UBXN2B: variants seen among roughly 807,000 people sequenced by gnomAD.
UBXN2B encodes UBX domain-containing protein 2B.
UBXN2B carries 19 observed loss-of-function variants against 37.5 expected under a neutral mutation model. The ratio of observed to expected loss-of-function variants is 0.51; its 90% CI spans 0.35 to 0.74. UBXN2B has a LOEUF of 0.74. UBXN2B is among the 30% of genes least tolerant of loss of function. The pLI is 0.01. For missense variants in UBXN2B, 370 were observed against 393.2 expected (o/e 0.94, Z 0.50); for synonymous variants, 145 against 143.8 (o/e 1.01, Z -0.06).
intron 3 of UBXN2B, among the ~76,000 whole-genome samples, chr8:58,432,498 T>C (rs886827857): frequency 3.4e-5 from 5 of 145,134 alleles, no homozygotes; most frequent in Admixed American, 2.9e-4. Context: ...TTCTCCTGCC[T>C]CAGCCTCCAG....
rs1244414783 is a variant in UBXN2B at position 58,449,543 on chromosome 8, C to T, written c.*1992C>T. 2 of 152,118 alleles carry T rather than the reference C, an allele frequency of 1.3e-5. No homozygotes were observed. Among genetic ancestry groups the T allele is most frequent in the African/African-American group, 4.8e-5 (2 of 41,424 alleles). 9.4% of individuals were successfully genotyped at this position (152,118 alleles called of 1,614,324 possible). ...TAATTCCAACTGTGCACTTGTGAACCTAGAAAACAAGTTATCTGTTCCCAA... is the reference window on the plus strand; with the variant it reads ...TAATTCCAACTGTGCACTTGTGAACTTAGAAAACAAGTTATCTGTTCCCAA... On this transcript the variant is annotated 3_prime_UTR_variant, in exon 8 of 8. Transcript: ENST00000399598.
intron 2 of UBXN2B, among the ~76,000 whole-genome samples, chr8:58,417,574 C>CT (rs1807817191): frequency 6.6e-6 from 1 of 152,144 alleles, no homozygotes; most frequent in African/African-American, 2.4e-5. Flanking sequence ...AACCAGGTGT[C>CT]TTTTATTGCT....
intron 2 of UBXN2B, among the ~76,000 whole-genome samples, chr8:58,427,131 A>G (rs936242049): frequency 1.3e-5 from 2 of 152,236 alleles, no homozygotes; most frequent in Non-Finnish European, 2.9e-5. Context: ...GAAAGAAATC[A>G]AGACAGGAAC....
intron 2 of UBXN2B, among the ~76,000 whole-genome samples, chr8:58,429,256 C>G (rs1252329310): frequency 6.6e-6 from 1 of 151,892 alleles, no homozygotes; most frequent in African/African-American, 2.4e-5. Flanking sequence ...GTTACGGCAG[C>G]AGACAGCTGC....
intron 5 of UBXN2B, among the ~76,000 whole-genome samples, chr8:58,437,716 TTAAA>T (rs1808449872): frequency 6.6e-6 from 1 of 152,102 alleles, no homozygotes; most frequent in Non-Finnish European, 1.5e-5. Context: ...AATAAATGAT[TTAAA>T]GTTGGAACTC....
At chr8:58,421,217 A>G (rs1287315607) in intron 2 of UBXN2B, among the ~76,000 whole-genome samples, 1 of 152,144 alleles carries the variant, frequency 6.6e-6, no homozygotes, top group Non-Finnish European at 1.5e-5. Context: ...ATGCACACAC[A>G]CCAAGAAAGT....
intron 5 of UBXN2B, chr8:58,435,220 TTA>T: frequency 2.9e-6 from 3 of 1,019,930 alleles, no homozygotes; most frequent in Non-Finnish European, 3.8e-6. Flanking sequence ...ATAACCAGAG[TTA>T]TATATACAGG....
intron 2 of UBXN2B, among the ~76,000 whole-genome samples, chr8:58,419,627 G>A (rs920265869): frequency 6.6e-6 from 1 of 152,202 alleles, no homozygotes; most frequent in East Asian, 1.9e-4. Flanking sequence ...GAGATAAAGT[G>A]AATAAGATGC....
intron 2 of UBXN2B, chr8:58,426,594 G>C: frequency 1.3e-6 from 1 of 751,592 alleles, no homozygotes; most frequent in Admixed American, 1.7e-5. Flanking sequence ...ACTAGGCCTT[G>C]CCAAAAAACT....
chr8:58,423,557 T>TC (rs1807989639), intron 2 of UBXN2B, among the ~76,000 whole-genome samples: 1 of 151,238 alleles, frequency 6.6e-6, no homozygotes, highest in South Asian at 2.1e-4. Flanking sequence ...TGCCTCAGCC[T>TC]CCCAAGTAGC....
At chr8:58,413,826 A>T (rs1050489167) in intron 1 of UBXN2B, among the ~76,000 whole-genome samples, 1 of 152,058 alleles carries the variant, frequency 6.6e-6, no homozygotes, top group Non-Finnish European at 1.5e-5. Context: ...AAATAAGGAG[A>T]TGGTCATGGG....
rs959726451 is a variant in UBXN2B, at chr8:58,411,978, A to G, written c.84+509A>G. 2.4e-4 allele frequency among the ~76,000 whole-genome samples: 37 copies of G among 152,214 alleles called. 1 individual carries two copies. The highest frequency in any genetic ancestry group is 2.4e-3 in the Admixed American group (36 of 15,278). ...GGAAAGCGATGCACTCTATGCCCAT[A>G]CAGCCTAGTTGTCTAAGCTGTGGTC... On this transcript the variant is annotated intron_variant, in intron 1 of 7. Coordinates refer to ENST00000399598, the MANE Select transcript of UBXN2B (RefSeq NM_001077619.2).
intron 3 of UBXN2B, among the ~76,000 whole-genome samples, chr8:58,431,892 T>C (rs533152857): frequency 1.1e-4 from 16 of 152,368 alleles, no homozygotes; most frequent in African/African-American, 3.1e-4. Context: ...ATTATTCTTT[T>C]CAAGGAAATA....
chr8:58,447,638 ATTATTT>A lies in UBXN2B; in HGVS notation c.*93_*98del. Reference sequence around the variant, plus strand: ...ATACTTCAGCATTAAAAACAGCCAAATTATTTTTATTATTTTTACAGATAAATTTTG... The same window carrying A: ...ATACTTCAGCATTAAAAACAGCCAAATTATTATTTTTACAGATAAATTTTG... On this transcript the variant is annotated 3_prime_UTR_variant, in exon 8 of 8. Coordinates refer to ENST00000399598, the MANE Select transcript of UBXN2B (RefSeq NM_001077619.2). 1 of 1,189,762 alleles carries A rather than the reference ATTATTT, an allele frequency of 8.4e-7. No homozygotes were observed. Among genetic ancestry groups the A allele is most frequent in the Non-Finnish European group, 1.1e-6 (1 of 908,478 alleles). The allele number at this position is 1,189,762 out of a possible 1,614,324, so 73.7% of individuals were successfully genotyped here.
At chr8:58,436,237 A>G (rs1808408682) in intron 5 of UBXN2B, among the ~76,000 whole-genome samples, 1 of 152,214 alleles carries the variant, frequency 6.6e-6, no homozygotes. Context: ...TCCAAACAAA[A>G]CAAAGTACAA....
At chr8:58,418,693 A>G (rs913642765) in intron 2 of UBXN2B, among the ~76,000 whole-genome samples, 1 of 152,238 alleles carries the variant, frequency 6.6e-6, no homozygotes, top group African/African-American at 2.4e-5. Flanking sequence ...ACTCCATTGT[A>G]AGATACTGTG....
chr8:58,423,214 G>A (rs1178641047), intron 2 of UBXN2B, among the ~76,000 whole-genome samples: 1 of 152,084 alleles, frequency 6.6e-6, no homozygotes, highest in Non-Finnish European at 1.5e-5. Flanking sequence ...TGGGAGCTCT[G>A]AGCTTCATGT....
intron 2 of UBXN2B, among the ~76,000 whole-genome samples, chr8:58,421,809 T>C (rs1807933056): frequency 6.6e-6 from 1 of 152,262 alleles, no homozygotes; most frequent in South Asian, 2.1e-4. Flanking sequence ...ATGATAACTC[T>C]GGCCTTGGCC....
intron 7 of UBXN2B, among the ~76,000 whole-genome samples, chr8:58,446,516 A>G (rs1288165738): frequency 6.6e-6 from 1 of 152,112 alleles, no homozygotes; most frequent in African/African-American, 2.4e-5. Context: ...ACTTTTGTCA[A>G]GAACTTCAGA....
Sources: gnomAD v4.1 joint callset for allele counts (sites outside exome capture counted in the v4.1 genomes callset) on GRCh38, gnomAD v4.1.1 for gene constraint, MANE v1.5 for transcripts, NCBI Gene and HGNC (gene_info 2026-07-23, HGNC 2026-07-21) for gene names.